Variants in KCNAB1 observed in about 807,000 individuals in gnomAD.
The protein encoded by KCNAB1 is voltage-gated potassium channel subunit beta-1.
Under a neutral mutation model 64.6 loss-of-function variants are expected in KCNAB1, and 35 were observed. The observed-to-expected ratio is 0.54, with a 90% confidence interval of 0.41 to 0.72. The LOEUF (loss-of-function observed/expected upper bound fraction) is 0.72, where lower values mean the gene tolerates loss of function less well. Among genes scored for constraint, KCNAB1 ranks in the 30% least tolerant of loss-of-function variants. KCNAB1 has a pLI of 0.00. For missense variants in KCNAB1, 401 were observed against 512.9 expected (o/e 0.78, Z 2.11); for synonymous variants, 177 against 183.8 (o/e 0.96, Z 0.30).
chr3:156,293,085 G>A (rs1033221150), intron 1 of KCNAB1, among the ~76,000 whole-genome samples: 4 of 152,080 alleles, frequency 2.6e-5, no homozygotes, highest in African/African-American at 9.7e-5. Context: ...TTCCATAGTT[G>A]GAATCATCCT....
intron 1 of KCNAB1, among the ~76,000 whole-genome samples, chr3:156,234,325 G>T (rs1716727919): frequency 6.6e-6 from 1 of 152,078 alleles, no homozygotes; most frequent in African/African-American, 2.4e-5. Flanking sequence ...TGTAGAGAAA[G>T]GAAACTTGAT....
At chr3:156,287,368 A>AC (rs397790686) in intron 1 of KCNAB1, among the ~76,000 whole-genome samples, 3 of 151,296 alleles carry the variant, frequency 2.0e-5, no homozygotes, top group Admixed American at 2.0e-4. Flanking sequence ...AAAAAAAAAA[A>AC]CTACCCCAGG....
chr3:156,411,212 T>C (rs1195562430), intron 1 of KCNAB1, among the ~76,000 whole-genome samples: 1 of 152,204 alleles, frequency 6.6e-6, no homozygotes, highest in Non-Finnish European at 1.5e-5. Flanking sequence ...TTTTTTCATA[T>C]GCTTATTTGC....
intron 1 of KCNAB1, among the ~76,000 whole-genome samples, chr3:156,253,529 T>TGGATTCCA (rs1308642835): frequency 1.3e-5 from 2 of 152,212 alleles, no homozygotes; most frequent in Admixed American, 6.5e-5. Flanking sequence ...CAAGATTCAG[T>TGGATTCCA]GGATTCCAAC....
At chr3:156,488,787 A>G (rs1715408520) in intron 8 of KCNAB1, among the ~76,000 whole-genome samples, 1 of 152,142 alleles carries the variant, frequency 6.6e-6, no homozygotes, top group South Asian at 2.1e-4. Flanking sequence ...AAAAATGGTT[A>G]TAGCAATCTA....
intron 1 of KCNAB1, among the ~76,000 whole-genome samples, chr3:156,284,990 C>G (rs113686043): frequency 2.6e-5 from 4 of 152,132 alleles, no homozygotes; most frequent in African/African-American, 4.8e-5. Flanking sequence ...GCTCCTCCCC[C>G]GGGGAATACT....
At position 156,523,817 on chromosome 3, in the gene KCNAB1, T is replaced by C. The variant is rs1718113788; in HGVS notation, c.961-10T>C. 6 of 1,608,824 alleles carry C rather than the reference T, an allele frequency of 3.7e-6. No homozygotes were observed. The highest frequency in any genetic ancestry group is 5.1e-6 in the Non-Finnish European group (6 of 1,176,880). ...AGACATTAACATTTCAATGTTATGCTTTTCCCCAGTGCTACCAGTGGTTGA... is the reference window on the plus strand; with the variant it reads ...AGACATTAACATTTCAATGTTATGCCTTTCCCCAGTGCTACCAGTGGTTGA... On this transcript the variant is annotated splice_polypyrimidine_tract_variant and intron_variant, in intron 11 of 13. Transcript: ENST00000490337.
chr3:156,343,496 C>T (rs534713846), intron 1 of KCNAB1, among the ~76,000 whole-genome samples: 1 of 152,318 alleles, frequency 6.6e-6, no homozygotes, highest in African/African-American at 2.4e-5. Flanking sequence ...GCTCCTCTGG[C>T]TATAGAGAAG....
At chr3:156,216,248 T>G (rs1028099634) in intron 1 of KCNAB1, among the ~76,000 whole-genome samples, 2 of 152,156 alleles carry the variant, frequency 1.3e-5, no homozygotes, top group Non-Finnish European at 2.9e-5. Flanking sequence ...CTTGATTAGT[T>G]GTAGATGAAA....
chr3:156,228,587 G>A (rs1483126358), intron 1 of KCNAB1, among the ~76,000 whole-genome samples: 1 of 152,180 alleles, frequency 6.6e-6, no homozygotes, highest in Non-Finnish European at 1.5e-5. Flanking sequence ...CTAGAGCTTG[G>A]AGGTGGGAAG....
intron 1 of KCNAB1, among the ~76,000 whole-genome samples, chr3:156,362,329 T>A (rs1262952258): frequency 6.6e-6 from 1 of 152,224 alleles, no homozygotes; most frequent in African/African-American, 2.4e-5. Flanking sequence ...AAGCAACAGT[T>A]AAATGCAAGA....
At chr3:156,169,769 A>T (rs902287836) in intron 1 of KCNAB1, among the ~76,000 whole-genome samples, 14 of 152,144 alleles carry the variant, frequency 9.2e-5, no homozygotes, top group African/African-American at 3.1e-4. Context: ...CCATGATAAG[A>T]TGTGCTTGCT....
chr3:156,168,840 A>G (rs183554047), intron 1 of KCNAB1, among the ~76,000 whole-genome samples: 33 of 152,220 alleles, frequency 2.2e-4, no homozygotes, highest in Non-Finnish European at 1.2e-4. Context: ...GCAGATAAAC[A>G]AAAGTTCTTA....
chr3:156,394,308 A>AGTGTT (rs918733544), intron 1 of KCNAB1, among the ~76,000 whole-genome samples: 6 of 152,216 alleles, frequency 3.9e-5, no homozygotes, highest in African/African-American at 1.2e-4. Context: ...GCATAAGTCA[A>AGTGTT]GTGTTGATTC....
chr3:156,412,075 T>C (rs1714706960), intron 1 of KCNAB1, among the ~76,000 whole-genome samples: 1 of 152,210 alleles, frequency 6.6e-6, no homozygotes, highest in African/African-American at 2.4e-5. Context: ...TTTTAGTTTT[T>C]AGTATATGGA....
At chr3:156,368,912 G>C (rs959246503) in intron 1 of KCNAB1, among the ~76,000 whole-genome samples, 1 of 152,128 alleles carries the variant, frequency 6.6e-6, no homozygotes, top group Admixed American at 6.5e-5. Flanking sequence ...CATAGGTTTT[G>C]GCTATTGCTC....
At chr3:156,139,946 G>T (rs974951029) in intron 1 of KCNAB1, among the ~76,000 whole-genome samples, 1 of 152,078 alleles carries the variant, frequency 6.6e-6, no homozygotes, top group South Asian at 2.1e-4. Flanking sequence ...GTTTCCCAAA[G>T]GAGGTACAAG....
At chr3:156,158,573 TA>T (rs1715895680) in intron 1 of KCNAB1, among the ~76,000 whole-genome samples, 1 of 152,186 alleles carries the variant, frequency 6.6e-6, no homozygotes, top group Non-Finnish European at 1.5e-5. Context: ...CAAACTGGCT[TA>T]TATAATAAAG....
chr3:156,531,022 A>G (rs964083861), intron 12 of KCNAB1, among the ~76,000 whole-genome samples: 2 of 152,208 alleles, frequency 1.3e-5, no homozygotes, highest in African/African-American at 4.8e-5. Context: ...CCCCGAGCCA[A>G]CCCAAATGCA....
Sources: gnomAD v4.1 joint callset for allele counts (sites outside exome capture counted in the v4.1 genomes callset) on GRCh38, gnomAD v4.1.1 for gene constraint, MANE v1.5 for transcripts, NCBI Gene and HGNC (gene_info 2026-07-23, HGNC 2026-07-21) for gene names.